The following DYNC2H1 variants were observed in gnomAD, a reference collection of about 807,000 sequenced individuals.
DYNC2H1 encodes the protein dynein cytoplasmic 2 heavy chain 1, also known as cytoplasmic dynein 2 heavy chain 1.
A neutral mutation model predicts 570.0 loss-of-function variants in DYNC2H1; 410 were observed. The observed-to-expected ratio is 0.72, with a 90% confidence interval of 0.66 to 0.78. The LOEUF (loss-of-function observed/expected upper bound fraction) is 0.78. Among genes scored for constraint, DYNC2H1 ranks in the 30% least tolerant of loss-of-function variants. The pLI is 0.00. For missense variants in DYNC2H1, 4,865 were observed against 5,046.4 expected, an observed-to-expected ratio of 0.96 and a Z score of 1.09; for synonymous variants, 1,688 against 1,677.6, an observed-to-expected ratio of 1.01 and a Z score of -0.15.
chr11:103,179,159 C>T lies in DYNC2H1; in HGVS notation c.6273C>T (p.Asn2091=). The T allele has an allele frequency of 6.2e-7, 1 of 1,612,960 alleles. No homozygotes were observed. Among genetic ancestry groups the T allele is most frequent in the Non-Finnish European group, 8.5e-7 (1 of 1,179,258 alleles). Residue 2091 remains asparagine, a synonymous_variant, in exon 39 of 89, where the codon AAC becomes AAT. Coordinates refer to ENST00000375735, the MANE Select transcript of DYNC2H1 (RefSeq NM_001377.3). ...GERIQFGPNV[N]FVFETHDLSC... Reference sequence around the variant, plus strand: ...GGATTCAGTTTGGCCCAAATGTTAACTTTGTATTTGAAACTCATGATTTAA... The same window carrying T: ...GGATTCAGTTTGGCCCAAATGTTAATTTTGTATTTGAAACTCATGATTTAA...
chr11:103,316,871 G>GT (rs1237205579), intron 80 of DYNC2H1, among the ~76,000 whole-genome samples: 15 of 152,196 alleles, frequency 9.9e-5, no homozygotes, highest in African/African-American at 3.1e-4. Context: ...GCTTTCAAAA[G>GT]TTTCAGGCAC....
Position 103,186,162 on chromosome 11 carries a change from G to A in DYNC2H1, c.6634-80G>A, listed in dbSNP as rs1862058671. 1 of 1,359,230 alleles carries A rather than the reference G, an allele frequency of 7.4e-7. No homozygotes were observed. Among genetic ancestry groups the A allele is most frequent in the Non-Finnish European group, 9.9e-7 (1 of 1,009,712 alleles). The allele number at this position is 1,359,230 out of a possible 1,614,324, so 84.2% of individuals were successfully genotyped here. ...CTTGGAACTAAGATGATTTACTTTT[G>A]GGATATTTACTTGGAAGAATTTTAA... On this transcript the variant is annotated intron_variant, in intron 41 of 88. Coordinates refer to ENST00000375735, the MANE Select transcript of DYNC2H1 (RefSeq NM_001377.3). This position sits in a 1 kb window ranked among gnomAD's most constrained non-coding sequence, Gnocchi z 4.5.
chr11:103,380,101 A>G (rs1012334131), intron 83 of DYNC2H1, among the ~76,000 whole-genome samples: 4 of 152,246 alleles, frequency 2.6e-5, no homozygotes, highest in Non-Finnish European at 5.9e-5. Flanking sequence ...ACTTTAAAAA[A>G]ATAAGTCAAT....
intron 63 of DYNC2H1, among the ~76,000 whole-genome samples, chr11:103,237,050 C>T (rs1266290231): frequency 6.6e-6 from 1 of 151,934 alleles, no homozygotes; most frequent in Admixed American, 6.6e-5. Context: ...ACCTTATTAT[C>T]AGTGAGTGTG....
At chr11:103,198,268 A>C (rs1336408428) in intron 48 of DYNC2H1, among the ~76,000 whole-genome samples, 1 of 152,224 alleles carries the variant, frequency 6.6e-6, no homozygotes, top group Non-Finnish European at 1.5e-5. Context: ...GCTAAGATAC[A>C]TTTTGGGCAA....
Position 103,223,028 on chromosome 11 carries a change from T to A in DYNC2H1, c.9295T>A (p.Tyr3099Asn). The A allele has an allele frequency of 6.2e-7, 1 of 1,613,458 alleles. No homozygotes were observed. The highest frequency in any genetic ancestry group is 8.5e-7 in the Non-Finnish European group (1 of 1,179,594). ...TGCCTGGGTGAAAGCCAATATTCAG[T>A]ATTCCCATGTCTTGGAACGAATTCA... ...LAAWVKANIQ[Y>N]SHVLERIHPL... The change falls in exon 59 of 89, where the codon TAT becomes AAT. Residue 3099 changes from tyrosine to asparagine, a missense_variant. Physicochemically the swap from Tyr to Asn is moderately radical, Grantham distance 143. This residue lies in a region of DYNC2H1 where 2,401 missense variants were observed against 2,454.6 expected (regional missense o/e 0.98). Transcript: ENST00000375735.
chr11:103,240,825 G>A (rs886947538), intron 63 of DYNC2H1, among the ~76,000 whole-genome samples: 4 of 151,906 alleles, frequency 2.6e-5, no homozygotes, highest in Admixed American at 6.6e-5. Context: ...ATTTCCCATT[G>A]TCTGCAGTAT....
intron 80 of DYNC2H1, among the ~76,000 whole-genome samples, chr11:103,320,614 G>A (rs1307137117): frequency 2.0e-5 from 3 of 152,108 alleles, no homozygotes; most frequent in Non-Finnish European, 4.4e-5. Flanking sequence ...GTTTTGGATA[G>A]GTTCTCTTAA....
In DYNC2H1 at chr11:103,256,497, A is replaced by G. The variant is rs1865062666; in HGVS notation, c.10461+257A>G. ...TTTCTGGCATAATGTTATCTAAGGT[A>G]GAGCTGCAGTTTTGTACTAAAATTG... On this transcript the variant is annotated intron_variant, in intron 68 of 88. Coordinates refer to ENST00000375735, the MANE Select transcript of DYNC2H1 (RefSeq NM_001377.3). This position sits in a 1 kb window ranked among gnomAD's most constrained non-coding sequence, Gnocchi z 4.0. Among the ~76,000 whole-genome samples the G allele has an allele frequency of 6.6e-6, 1 of 152,196 alleles. No individual in the cohort carries two copies. The highest frequency in any genetic ancestry group is 1.5e-5 in the Non-Finnish European group (1 of 68,028).
intron 12 of DYNC2H1, among the ~76,000 whole-genome samples, chr11:103,126,433 G>A (rs1381363330): frequency 6.6e-6 from 1 of 152,188 alleles, no homozygotes; most frequent in Non-Finnish European, 1.5e-5. Flanking sequence ...GGTCTAGTGG[G>A]AGAGAGTAAA....
Position 103,135,900 on chromosome 11 carries a change from A to G in DYNC2H1, c.2526A>G (p.Lys842=), listed in dbSNP as rs1285332554. 6.2e-7 allele frequency: 1 copy of G among 1,613,058 alleles called. No individual in the cohort carries two copies. Among genetic ancestry groups the G allele is most frequent in the Non-Finnish European group, 8.5e-7 (1 of 1,179,480 alleles). Residue 842 remains lysine (K), a synonymous_variant, in exon 17 of 89, where the codon AAA becomes AAG. Coordinates refer to ENST00000375735, the MANE Select transcript of DYNC2H1 (RefSeq NM_001377.3). The part of the protein sequence containing the change: ...NASGFLTIFS[K]AEDLFRRLSA... ...GTGGATTTTTGACGATTTTCAGCAA[A>G]GCAGAAGATCTGTTTAGAAGATTGT...
intron 70 of DYNC2H1, among the ~76,000 whole-genome samples, chr11:103,276,784 G>C (rs1865924832): frequency 6.6e-6 from 1 of 151,848 alleles, no homozygotes; most frequent in Admixed American, 6.6e-5. Flanking sequence ...GTTTCCCTCT[G>C]TTATAAACAA....
intron 75 of DYNC2H1, among the ~76,000 whole-genome samples, chr11:103,301,705 G>T (rs967389685): frequency 1.3e-5 from 2 of 151,906 alleles, no homozygotes; most frequent in African/African-American, 4.8e-5. Flanking sequence ...GTGAAGAACA[G>T]ACAAGGGTGC....
At position 103,235,713 on chromosome 11, in the gene DYNC2H1, A is replaced by C. The variant is rs914401535; in HGVS notation, c.9609A>C (p.Arg3203Ser). The change falls in exon 62 of 89, where the codon AGA becomes AGC. Residue 3203 changes from arginine to serine, a missense_variant. By Grantham distance (110) the Arg-to-Ser change is moderately radical. This residue lies in a region of DYNC2H1 where 2,401 missense variants were observed against 2,454.6 expected (regional missense o/e 0.98). Transcript: ENST00000375735. The stretch of plus-strand genomic sequence containing the variant: ...AGGAATTAGCTACTCTTCCTAAAAG[A>C]GCTCAACTTGCTGCTGCATTTATTA... ...ITEELATLPK[R>S]AQLAAAFITY... is the part of the protein sequence containing the mutation. 1.2e-6 allele frequency: 2 copies of C among 1,611,226 alleles called. No homozygotes were observed. The highest frequency in any genetic ancestry group is 3.3e-5 in the Admixed American group (2 of 59,772).
At chr11:103,335,235 G>A (rs1262097714) in intron 82 of DYNC2H1, among the ~76,000 whole-genome samples, 6 of 152,004 alleles carry the variant, frequency 3.9e-5, no homozygotes, top group African/African-American at 1.4e-4. Context: ...AAGAAATGAG[G>A]GAATGGGAGG....
chr11:103,158,654 A>G (rs1860942890), intron 26 of DYNC2H1, 23 bp from the exon 27 acceptor site: 1 of 1,509,178 alleles, frequency 6.6e-7, no homozygotes, highest in Non-Finnish European at 8.9e-7. Context: ...GTAGATGTGA[A>G]GATACTTTTT....
At chr11:103,171,717 AT>A (rs960287179) in intron 34 of DYNC2H1, among the ~76,000 whole-genome samples, 14 of 152,078 alleles carry the variant, frequency 9.2e-5, no homozygotes, top group African/African-American at 3.1e-4. Context: ...AGGTGCTATT[AT>A]TTTTTTCCCT....
At chr11:103,190,726 A>G (rs1360232397) in intron 45 of DYNC2H1, among the ~76,000 whole-genome samples, 1 of 152,130 alleles carries the variant, frequency 6.6e-6, no homozygotes, top group Non-Finnish European at 1.5e-5. Flanking sequence ...TCAGAATAAG[A>G]GTAATGGCTC....
intron 82 of DYNC2H1, among the ~76,000 whole-genome samples, chr11:103,341,782 G>A (rs1233163439): frequency 2.0e-5 from 3 of 152,102 alleles, no homozygotes; most frequent in African/African-American, 7.2e-5. Flanking sequence ...CTCCTGGAAC[G>A]AACTTTAGAA....
Sources: allele counts gnomAD v4.1 joint callset (sites outside exome capture counted in the v4.1 genomes callset), GRCh38; gene constraint gnomAD v4.1.1; regional missense constraint gnomAD v4.1.1; non-coding constraint Gnocchi (gnomAD v3.1); transcripts MANE v1.5; gene names NCBI Gene and HGNC (gene_info 2026-07-23, HGNC 2026-07-21).